The following CNTNAP2 variants were observed in gnomAD, a reference collection of about 807,000 sequenced individuals.
CNTNAP2 encodes the protein contactin associated protein 2.
A neutral mutation model predicts 155.2 loss-of-function variants in CNTNAP2; 98 were observed. The observed-to-expected ratio is 0.63, with a 90% CI of 0.54 to 0.75. The LOEUF (loss-of-function observed/expected upper bound fraction) is 0.75. Among genes scored for constraint, CNTNAP2 ranks in the 30% least tolerant of loss-of-function variants. The probability of loss-of-function intolerance (pLI) is 0.00; values close to 1 mark genes in which losing one functional copy is unlikely to be tolerated. For synonymous variants in CNTNAP2, 651 were observed against 631.2 expected, an observed-to-expected ratio of 1.03 and a Z score of -0.47; for missense variants, 1,727 against 1,688.1, an observed-to-expected ratio of 1.02 and a Z score of -0.40.
At chr7:147,625,901 A>G (rs80261759) in intron 12 of CNTNAP2, among the ~76,000 whole-genome samples, 1 of 152,200 alleles carries the variant, frequency 6.6e-6, no homozygotes, top group South Asian at 2.1e-4. Flanking sequence ...CCAGATCATG[A>G]GATTATGGAA....
intron 1 of CNTNAP2, among the ~76,000 whole-genome samples, chr7:146,618,427 A>T (rs1478605472): frequency 6.6e-6 from 1 of 152,142 alleles, no homozygotes; most frequent in Non-Finnish European, 1.5e-5. Context: ...TATTTTTAGG[A>T]TGCTTTCAAA....
At chr7:148,051,627 A>G (rs962834191) in intron 15 of CNTNAP2, among the ~76,000 whole-genome samples, 2 of 152,230 alleles carry the variant, frequency 1.3e-5, no homozygotes, top group African/African-American at 4.8e-5. Context: ...GGGATCCTGC[A>G]GTGTAAAACT....
chr7:146,226,396 C>T (rs1388165229), intron 1 of CNTNAP2, among the ~76,000 whole-genome samples: 1 of 152,294 alleles, frequency 6.6e-6, no homozygotes, highest in African/African-American at 2.4e-5. Context: ...TGGTGGCTTA[C>T]ACCTCTAATC....
intron 12 of CNTNAP2, among the ~76,000 whole-genome samples, chr7:147,583,426 C>T (rs2116830295): frequency 6.6e-6 from 1 of 150,492 alleles, no homozygotes; most frequent in African/African-American, 2.4e-5. Flanking sequence ...TCCTACAACT[C>T]TATTTTTTTT....
chr7:146,434,710 G>A (rs917071448), intron 1 of CNTNAP2, among the ~76,000 whole-genome samples: 6 of 152,056 alleles, frequency 3.9e-5, no homozygotes, highest in South Asian at 2.1e-4. Flanking sequence ...AACTGTTTCA[G>A]CAATGGATTA....
chr7:148,042,587 CCT>C (rs1802698994), intron 15 of CNTNAP2, among the ~76,000 whole-genome samples: 1 of 152,156 alleles, frequency 6.6e-6, no homozygotes, highest in South Asian at 2.1e-4. Context: ...TGTTGTTTTT[CCT>C]CTCTGTTTTG....
chr7:146,755,740 T>G (rs1314073625), intron 1 of CNTNAP2, among the ~76,000 whole-genome samples: 1 of 151,972 alleles, frequency 6.6e-6, no homozygotes, highest in Non-Finnish European at 1.5e-5. Flanking sequence ...TGTAACAGTG[T>G]GCAGAATGAA....
At chr7:147,473,834 C>T (rs1798269140) in intron 10 of CNTNAP2, among the ~76,000 whole-genome samples, 1 of 152,158 alleles carries the variant, frequency 6.6e-6, no homozygotes, top group African/African-American at 2.4e-5. Context: ...AATCCCAGCA[C>T]TTTGGGAGGC....
intron 22 of CNTNAP2, among the ~76,000 whole-genome samples, chr7:148,407,132 AGGTTTTT>A (rs1373631677): frequency 6.7e-5 from 2 of 30,052 alleles, no homozygotes; most frequent in African/African-American, 1.8e-4. Context: ...AAGAAAGCCA[AGGTTTTT>A]ATTCAAGGTT....
At chr7:147,923,514 A>G (rs1228606734) in intron 14 of CNTNAP2, among the ~76,000 whole-genome samples, 3 of 151,962 alleles carry the variant, frequency 2.0e-5, no homozygotes, top group African/African-American at 7.3e-5. Context: ...GTTTAAATTT[A>G]TTTTTAAAAA....
intron 8 of CNTNAP2, among the ~76,000 whole-genome samples, chr7:147,208,638 A>G (rs1803071011): frequency 6.6e-6 from 1 of 152,070 alleles, no homozygotes; most frequent in Non-Finnish European, 1.5e-5. Flanking sequence ...TAAAAATTAT[A>G]ATTCTAACCA....
At chr7:147,624,904 A>G (rs1794940651) in intron 12 of CNTNAP2, among the ~76,000 whole-genome samples, 1 of 152,220 alleles carries the variant, frequency 6.6e-6, no homozygotes. Context: ...GTACATATAC[A>G]CAATGGAGTA....
chr7:147,121,536 T>C (rs562258007), intron 6 of CNTNAP2: 204 of 184,868 alleles, frequency 1.1e-3, no homozygotes, highest in African/African-American at 4.7e-3. Context: ...CTAATATTTA[T>C]TATAAAGTAT....
At chr7:146,163,385 C>T (rs1220078034) in intron 1 of CNTNAP2, among the ~76,000 whole-genome samples, 1 of 150,546 alleles carries the variant, frequency 6.6e-6, no homozygotes, top group East Asian at 1.9e-4. Flanking sequence ...ACCAGCCTGG[C>T]CAACATGGTG....
intron 3 of CNTNAP2, among the ~76,000 whole-genome samples, chr7:146,900,270 C>T (rs1795967406): frequency 6.6e-6 from 1 of 152,140 alleles, no homozygotes; most frequent in African/African-American, 2.4e-5. Flanking sequence ...ATCACAACAT[C>T]TCTAGAGTAA....
chr7:148,208,615 C>T (rs1795493420), intron 18 of CNTNAP2, among the ~76,000 whole-genome samples: 1 of 152,142 alleles, frequency 6.6e-6, no homozygotes, highest in Admixed American at 6.6e-5. Flanking sequence ...CAGAAGTGGT[C>T]TGTTCACTTT....
intron 1 of CNTNAP2, among the ~76,000 whole-genome samples, chr7:146,195,710 G>A (rs1243604350): frequency 3.3e-5 from 5 of 152,186 alleles, no homozygotes; most frequent in African/African-American, 1.2e-4. Context: ...TGACCAGCCA[G>A]CCCAGCAGAT....
chr7:146,908,965 G>A (rs915535569), intron 3 of CNTNAP2, among the ~76,000 whole-genome samples: 1 of 148,526 alleles, frequency 6.7e-6, no homozygotes, highest in Non-Finnish European at 1.5e-5. Context: ...AAATGATAAA[G>A]GGGATATCAC....
chr7:147,042,278 A>G (rs1029431267), intron 3 of CNTNAP2, among the ~76,000 whole-genome samples: 15 of 152,222 alleles, frequency 9.9e-5, no homozygotes, highest in African/African-American at 3.4e-4. Flanking sequence ...TTTTTAAAAC[A>G]TGTAATTGTC....
Sources: allele counts gnomAD v4.1 joint callset (sites outside exome capture counted in the v4.1 genomes callset), GRCh38; gene constraint gnomAD v4.1.1; transcripts MANE v1.5; gene names NCBI Gene and HGNC (gene_info 2026-07-23, HGNC 2026-07-21).